The following EPPIN variants were observed in gnomAD, a reference collection of about 807,000 sequenced individuals.
EPPIN encodes the protein epididymal peptidase inhibitor, also known as WAP four-disulfide core domain protein 7.
A neutral mutation model predicts 18.8 loss-of-function variants in EPPIN; 14 were observed. That is an observed-to-expected ratio of 0.75 (90% CI 0.49 to 1.17). The LOEUF (loss-of-function observed/expected upper bound fraction) is 1.17, where lower values mean the gene tolerates loss of function less well. Among genes scored for constraint, EPPIN ranks in the 50% most tolerant of loss-of-function variants. EPPIN has a pLI of 0.00. For synonymous variants in EPPIN, 57 were observed against 54.8 expected, an observed-to-expected ratio of 1.04 and a Z score of -0.18; for missense variants, 143 against 154.2, an observed-to-expected ratio of 0.93 and a Z score of 0.39.
chr20:45,545,911 G>A (rs1318461936), intron 1 of EPPIN, 141 bp from the exon 2 acceptor site: 7 of 1,317,588 alleles, frequency 5.3e-6, no homozygotes, highest in Non-Finnish European at 7.3e-6. Context: ...CCTCAGGGCA[G>A]CCTCACTCAT....
Position 45,542,021 on chromosome 20 carries a change from G to A in EPPIN, c.*123C>T, listed in dbSNP as rs1241910945. 3.9e-6 allele frequency: 5 copies of A among 1,277,250 alleles called. No individual in the cohort carries two copies. The African/African-American group carries it at 5.9e-5, about 15-fold the overall frequency. The allele number at this position is 1,277,250 out of a possible 1,614,324, so 79.1% of individuals were successfully genotyped here. ...GATGCAAGCGTTCTGTTCTGGGAAG[G>A]GCTAAGATCTTGGAATGCTGAGAGT... On this transcript the variant is annotated 3_prime_UTR_variant, in exon 4 of 4. Transcript: ENST00000354280.
Position 45,542,785 on chromosome 20 carries a change from G to A in EPPIN, c.306C>T (p.Cys102=). The A allele has an allele frequency of 6.2e-7, 1 of 1,614,004 alleles. No homozygotes were observed. The highest frequency in any genetic ancestry group is 8.5e-7 in the Non-Finnish European group (1 of 1,179,918). Residue 102 remains cysteine, a synonymous_variant, in exon 3 of 4, where the codon TGC becomes TGT. Coordinates refer to ENST00000354280, the MANE Select transcript of EPPIN (RefSeq NM_020398.4). The stretch of plus-strand genomic sequence containing the variant: ...GGCAGCCACCATAGACAAACATGGA[G>A]CAAGTATTATCTTTCTTGTCATACC... ...HWWYDKKDNT[C]SMFVYGGCQG... is the part of the protein sequence containing the mutation.
At chr20:45,542,233 T>C in intron 3 of EPPIN, 79 bp from the exon 4 acceptor site, 2 of 1,579,482 alleles carry the variant, frequency 1.3e-6, no homozygotes, top group Non-Finnish European at 1.7e-6. Context: ...TGTTTATACA[T>C]CTTTGCACAG....
At chr20:45,542,929 T>C in intron 2 of EPPIN, 62 bp from the exon 3 acceptor site, 1 of 1,544,608 alleles carries the variant, frequency 6.5e-7, no homozygotes, top group Non-Finnish European at 8.7e-7. Flanking sequence ...ACAGTTGTTA[T>C]TATTCTCCCT....
chr20:45,547,325 C>T lies in EPPIN; in HGVS notation c.33G>A (p.Val11=), dbSNP rs1306492564. 43 of 1,613,792 alleles carry T rather than the reference C, an allele frequency of 2.7e-5. No individual in the cohort carries two copies. The highest frequency in any genetic ancestry group is 3.6e-5 in the Non-Finnish European group (42 of 1,179,890). The change falls in exon 1 of 4, where the codon GTG becomes GTA. Residue 11 remains valine, a synonymous_variant. Transcript: ENST00000354280. Reference sequence around the variant, plus strand: ...GGACATTCGCTAAGAGGACGAATAGCACCAGGAGGCTCAAAAGTCCAGAAG... The same window carrying T: ...GGACATTCGCTAAGAGGACGAATAGTACCAGGAGGCTCAAAAGTCCAGAAG... MGSSGLLSLL[V]LFVLLANVQG... is the part of the protein sequence containing the mutation.
At chr20:45,546,836 T>C (rs1172261724) in intron 1 of EPPIN, among the ~76,000 whole-genome samples, 1 of 152,144 alleles carries the variant, frequency 6.6e-6, no homozygotes, top group Admixed American at 6.5e-5. Flanking sequence ...CTGTCCTTTA[T>C]CTCAAAGTTA....
Position 45,547,337 on chromosome 20 carries a change from C to G in EPPIN, c.21G>C (p.Leu7Phe), listed in dbSNP as rs1264789962. The part of the protein sequence containing the change: MGSSGL[L>F]SLLVLFVLLA... Reference sequence around the variant, plus strand: ...AGAGGACGAATAGCACCAGGAGGCTCAAAAGTCCAGAAGATCCCATGTTGA... The same window carrying G: ...AGAGGACGAATAGCACCAGGAGGCTGAAAAGTCCAGAAGATCCCATGTTGA... Residue 7 changes from leucine to phenylalanine, a missense_variant, in exon 1 of 4, where the codon TTG becomes TTC. Coordinates refer to ENST00000354280, the MANE Select transcript of EPPIN (RefSeq NM_020398.4). 6.2e-7 allele frequency: 1 copy of G among 1,613,894 alleles called. No individual in the cohort carries two copies. Among genetic ancestry groups the G allele is most frequent in the Non-Finnish European group, 8.5e-7 (1 of 1,179,876 alleles).
chr20:45,543,524 T>C (rs1979692700), intron 2 of EPPIN: 1 of 152,220 alleles, frequency 6.6e-6, no homozygotes, highest in Admixed American at 6.5e-5. Flanking sequence ...ATCCTGTTGA[T>C]TTTTACCTCC....
At position 45,542,749 on chromosome 20, in the gene EPPIN, A is replaced by T. The variant is rs1167577775; in HGVS notation, c.342T>A (p.Asn114Lys). The T allele has an allele frequency of 6.2e-7, 1 of 1,613,932 alleles. No individual in the cohort carries two copies. The highest frequency in any genetic ancestry group is 2.2e-5 in the East Asian group (1 of 44,872). ...AGTTGGCTTTGGATTGGAAGTTGTT[A>T]TTGTTTCCCTGGCAGCCACCATAGA... is the stretch of plus-strand genomic sequence containing the variant. Reference protein sequence around the residue: ...MFVYGGCQGNNNNFQSKANCL... With the variant: ...MFVYGGCQGNKNNFQSKANCL... Residue 114 changes from asparagine (N) to lysine (K), a missense_variant, in exon 3 of 4, where the codon AAT becomes AAA. Coordinates refer to ENST00000354280, the MANE Select transcript of EPPIN (RefSeq NM_020398.4).
rs528766787 is a variant in EPPIN, at chr20:45,542,262, T to C, written c.392-108A>G. The stretch of plus-strand genomic sequence containing the variant: ...TGCACAGAAAGACACTAAAAAGTAG[T>C]GGGTTTGCTTTGGGGAGCTCTCCAT... On this transcript the variant is annotated intron_variant, in intron 3 of 3. Transcript: ENST00000354280. 112 of 1,473,026 alleles carry C rather than the reference T, an allele frequency of 7.6e-5. No homozygotes were observed. In the Admixed American group the frequency reaches 8.8e-4, roughly 12 times the overall value. The allele number at this position is 1,473,026 out of a possible 1,614,324, so 91.2% of individuals were successfully genotyped here. A position where few individuals can be genotyped will look rare whatever the true frequency, so the allele number is the denominator to read the frequency against.
In EPPIN at chr20:45,547,335, C is replaced by A; in HGVS notation, c.23G>T (p.Ser8Ile). The part of the protein sequence containing the change: MGSSGLL[S>I]LLVLFVLLAN... Reference sequence around the variant, plus strand: ...TAAGAGGACGAATAGCACCAGGAGGCTCAAAAGTCCAGAAGATCCCATGTT... The same window carrying A: ...TAAGAGGACGAATAGCACCAGGAGGATCAAAAGTCCAGAAGATCCCATGTT... Residue 8 changes from serine to isoleucine, a missense_variant, in exon 1 of 4, where the codon AGC (serine) becomes ATC (isoleucine). Ser to Ile is a moderately radical substitution (Grantham distance 142, BLOSUM62 -2). Coordinates refer to ENST00000354280, the MANE Select transcript of EPPIN (RefSeq NM_020398.4). The A allele has an allele frequency of 1.2e-6, 2 of 1,613,902 alleles. No individual in the cohort carries two copies. Among genetic ancestry groups the A allele is most frequent in the Non-Finnish European group, 1.7e-6 (2 of 1,179,876 alleles).
chr20:45,545,989 C>A, intron 1 of EPPIN: 1 of 614,172 alleles, frequency 1.6e-6, no homozygotes. Context: ...CCCCCCAGCT[C>A]CATCCCATCT....
chr20:45,545,807 A>G (rs745838186), intron 1 of EPPIN, 37 bp from the exon 2 acceptor site: 2 of 1,609,400 alleles, frequency 1.2e-6, no homozygotes, highest in African/African-American at 2.7e-5. Flanking sequence ...TGTGCCTTAG[A>G]GAGCATAGTG....
At chr20:45,542,184 A>T in intron 3 of EPPIN, 30 bp from the exon 4 acceptor site, 2 of 1,613,068 alleles carry the variant, frequency 1.2e-6, no homozygotes, top group Non-Finnish European at 8.5e-7. Context: ...GAAACAGCTG[A>T]GCATCTTGGG....
intron 1 of EPPIN, among the ~76,000 whole-genome samples, chr20:45,546,794 A>G (rs1326303009): frequency 6.6e-6 from 1 of 152,202 alleles, no homozygotes; most frequent in Non-Finnish European, 1.5e-5. Context: ...TCCACAACTA[A>G]TGTGTCTTAA....
rs540259288 is a variant in EPPIN at position 45,542,004 on chromosome 20, C to T, written c.*140G>A. Reference sequence around the variant, plus strand: ...TGGAGGAAGAGGAGGTAGATGCAAGCGTTCTGTTCTGGGAAGGGCTAAGAT... The same window carrying T: ...TGGAGGAAGAGGAGGTAGATGCAAGTGTTCTGTTCTGGGAAGGGCTAAGAT... On this transcript the variant is annotated 3_prime_UTR_variant, in exon 4 of 4. Coordinates refer to ENST00000354280, the MANE Select transcript of EPPIN (RefSeq NM_020398.4). The T allele has an allele frequency of 6.4e-6, 6 of 941,338 alleles. No individual in the cohort carries two copies. The highest frequency in any genetic ancestry group is 5.7e-5 in the Admixed American group (2 of 34,870). The allele number at this position is 941,338 out of a possible 1,614,324, so 58.3% of individuals were successfully genotyped here.
intron 2 of EPPIN, 46 bp from the exon 3 acceptor site, chr20:45,542,913 A>G (rs1979664847): frequency 1.1e-5 from 18 of 1,568,148 alleles, no homozygotes; most frequent in Non-Finnish European, 1.5e-5. Context: ...CCCACTCCAG[A>G]AATAAACAGT....
intron 3 of EPPIN, chr20:45,542,361 G>T: frequency 1.4e-6 from 1 of 699,440 alleles, no homozygotes; most frequent in Non-Finnish European, 2.3e-6. Flanking sequence ...GCTTAGAAGG[G>T]TTGGTTGGTC....
intron 3 of EPPIN, chr20:45,542,492 C>T: frequency 1.4e-6 from 1 of 734,284 alleles, no homozygotes; most frequent in Non-Finnish European, 2.2e-6. Flanking sequence ...TTGATTACTT[C>T]TACATCCCTT....
Sources: gnomAD v4.1 joint callset for allele counts (sites outside exome capture counted in the v4.1 genomes callset) on GRCh38, gnomAD v4.1.1 for gene constraint, MANE v1.5 for transcripts, NCBI Gene and HGNC (gene_info 2026-07-23, HGNC 2026-07-21) for gene names.